Variants in CCDC69 observed in about 807,000 individuals in gnomAD.
CCDC69 encodes coiled-coil domain containing 69.
Under a neutral mutation model 40.3 loss-of-function variants are expected in CCDC69, and 38 were observed. That is an observed-to-expected ratio of 0.94 (90% CI 0.73 to 1.24). CCDC69 has a LOEUF of 1.24. CCDC69 is among the 50% of genes most tolerant of loss of function. The pLI is 0.00. For synonymous variants in CCDC69, 141 were observed against 138.9 expected, an observed-to-expected ratio of 1.02 and a Z score of -0.11; for missense variants, 389 against 357.9, an observed-to-expected ratio of 1.09 and a Z score of -0.70.
At chr5:151,209,521 C>G (rs1752899156) in intron 1 of CCDC69, among the ~76,000 whole-genome samples, 2 of 152,150 alleles carry the variant, frequency 1.3e-5, no homozygotes, top group South Asian at 4.1e-4. Context: ...TTCAGAATGG[C>G]AGTTAAGGCT....
At chr5:151,185,208 C>T in intron 7 of CCDC69, 1 of 492,872 alleles carries the variant, frequency 2.0e-6, no homozygotes, top group Non-Finnish European at 3.7e-6. Context: ...CATCAGTAGC[C>T]TCAAAAGGCA....
At chr5:151,192,953 A>C (rs1384912471) in intron 4 of CCDC69, among the ~76,000 whole-genome samples, 1 of 152,228 alleles carries the variant, frequency 6.6e-6, no homozygotes, top group Non-Finnish European at 1.5e-5. Context: ...ACAACAATAA[A>C]AGATAATACA....
intron 1 of CCDC69, chr5:151,210,941 C>T (rs1288313341): frequency 6.6e-6 from 1 of 152,176 alleles, no homozygotes; most frequent in Non-Finnish European, 1.5e-5. Context: ...GCACTCCACC[C>T]TGGGTGACAG....
At chr5:151,216,074 T>A (rs1264015922) in intron 1 of CCDC69, among the ~76,000 whole-genome samples, 2 of 152,216 alleles carry the variant, frequency 1.3e-5, no homozygotes, top group African/African-American at 4.8e-5. Context: ...TTCTCCTGCC[T>A]CAGCCTCCCC....
At chr5:151,223,060 TAAGAA>T (rs1753157688) in intron 1 of CCDC69, among the ~76,000 whole-genome samples, 1 of 152,098 alleles carries the variant, frequency 6.6e-6, no homozygotes, top group South Asian at 2.1e-4. Flanking sequence ...CAGGTAGTGG[TAAGAA>T]AAGGGGCCAG....
intron 1 of CCDC69, among the ~76,000 whole-genome samples, chr5:151,209,752 G>A (rs1279552012): frequency 6.6e-6 from 1 of 151,998 alleles, no homozygotes; most frequent in Non-Finnish European, 1.5e-5. Context: ...GCTAATTTTT[G>A]TATTTTTGGT....
chr5:151,188,561 C>T (rs1481659902), intron 4 of CCDC69, among the ~76,000 whole-genome samples: 1 of 150,544 alleles, frequency 6.6e-6, no homozygotes, highest in South Asian at 2.1e-4. Context: ...GCTGAGATCA[C>T]GCCACTGCAC....
chr5:151,223,823 G>T, intron 1 of CCDC69, 100 bp downstream of exon 1: 3 of 1,229,010 alleles, frequency 2.4e-6, no homozygotes, highest in East Asian at 2.8e-5. Flanking sequence ...CGGTATCCCG[G>T]GCCGACCAGA....
intron 1 of CCDC69, among the ~76,000 whole-genome samples, chr5:151,209,266 A>C (rs1279534925): frequency 1.4e-4 from 21 of 152,248 alleles, no homozygotes; most frequent in Non-Finnish European, 2.9e-5. Context: ...GACGATTGCC[A>C]TGTTTCACAA....
intron 4 of CCDC69, among the ~76,000 whole-genome samples, chr5:151,191,109 C>A (rs563724227): frequency 2.7e-5 from 4 of 149,362 alleles, no homozygotes; most frequent in African/African-American, 7.4e-5. Context: ...AAAAAAAAAA[C>A]CACCCACCAA....
chr5:151,212,955 C>G (rs1752974354), intron 1 of CCDC69: 1 of 451,726 alleles, frequency 2.2e-6, no homozygotes, highest in Non-Finnish European at 4.5e-6. Flanking sequence ...TAGTAGCATG[C>G]AAGAAGAGGT....
rs150829162 is a variant in CCDC69 at position 151,187,376 on chromosome 5, C to A, written c.393+10G>T. 1.1e-4 allele frequency: 181 copies of A among 1,613,274 alleles called. 3 individuals are homozygous for A. In the African/African-American group the frequency reaches 2.2e-3, roughly 20 times the overall value. On this transcript the variant is annotated intron_variant, in intron 5 of 8. Transcript: ENST00000355417. ...CTTATCCAAGACTGACACGACCCAG[C>A]CCCTCTCACCTGCTGGGTAGAACTG...
chr5:151,185,292 G>A, intron 7 of CCDC69, 130 bp downstream of exon 7: 1 of 968,920 alleles, frequency 1.0e-6, no homozygotes, highest in African/African-American at 1.6e-5. Flanking sequence ...CAGCACAGGT[G>A]GCAGGTCAAA....
At chr5:151,204,088 G>A (rs1211978727) in intron 2 of CCDC69, among the ~76,000 whole-genome samples, 1 of 151,646 alleles carries the variant, frequency 6.6e-6, no homozygotes, top group African/African-American at 2.4e-5. Context: ...GGAGTGCAGT[G>A]GTGTGATCAC....
In CCDC69 at chr5:151,186,447, G is replaced by A. The variant is rs892463951; in HGVS notation, c.394-323C>T. ...GGGGACAGAGAAGGAGAAGGAGAGGGAGGGAGAAGGAGAAGGAGAGGGAGA... is the reference window on the plus strand; with the variant it reads ...GGGGACAGAGAAGGAGAAGGAGAGGAAGGGAGAAGGAGAAGGAGAGGGAGA... On this transcript the variant is annotated intron_variant, in intron 5 of 8. Transcript: ENST00000355417. 5.0e-4 allele frequency among the ~76,000 whole-genome samples: 76 copies of A among 151,570 alleles called. 1 individual carries two copies. Among genetic ancestry groups the A allele is most frequent in the African/African-American group, 1.8e-3 (76 of 41,252 alleles).
chr5:151,194,730 T>C (rs1032320803), intron 4 of CCDC69, among the ~76,000 whole-genome samples: 1 of 151,854 alleles, frequency 6.6e-6, no homozygotes, highest in Non-Finnish European at 1.5e-5. Flanking sequence ...CTGTCTCTAC[T>C]AAAAATACAA....
At chr5:151,219,162 A>G (rs1185165480) in intron 1 of CCDC69, among the ~76,000 whole-genome samples, 1 of 152,186 alleles carries the variant, frequency 6.6e-6, no homozygotes, top group African/African-American at 2.4e-5. Context: ...CTGCAGAGGC[A>G]GCTTTCCTTC....
chr5:151,211,344 G>A (rs1752944425), intron 1 of CCDC69, among the ~76,000 whole-genome samples: 1 of 152,160 alleles, frequency 6.6e-6, no homozygotes, highest in African/African-American at 2.4e-5. Flanking sequence ...CTGAAGGACA[G>A]GATTTTGAAA....
chr5:151,212,663 G>T (rs1408142259), intron 1 of CCDC69: 1 of 402,736 alleles, frequency 2.5e-6, no homozygotes, highest in Non-Finnish European at 5.0e-6. Context: ...GTAGGAGGTG[G>T]CTCAAAACCA....
Sources: allele counts gnomAD v4.1 joint callset (sites outside exome capture counted in the v4.1 genomes callset), GRCh38; gene constraint gnomAD v4.1.1; transcripts MANE v1.5; gene names NCBI Gene and HGNC (gene_info 2026-07-23, HGNC 2026-07-21).